EDA: variants seen among roughly 807,000 people sequenced by gnomAD.
The protein encoded by EDA is ectodysplasin-A.
EDA carries 2 observed loss-of-function variants against 23.6 expected under a neutral mutation model. That is an observed-to-expected ratio of 0.08 (90% CI 0.03 to 0.27). The LOEUF is 0.27. EDA is among the 10% of genes least tolerant of loss of function. The pLI is 1.00. For synonymous variants in EDA, 131 were observed against 132.0 expected, an observed-to-expected ratio of 0.99 and a Z score of 0.05; for missense variants, 229 against 324.2, an observed-to-expected ratio of 0.71 and a Z score of 2.26.
At chrX:69,705,929 A>G (rs2011701727) in intron 1 of EDA, among the ~76,000 whole-genome samples, 1 of 112,135 alleles carries the variant, frequency 8.9e-6, no homozygotes, top group South Asian at 3.7e-4. Flanking sequence ...AAGAAGGTAT[A>G]GGTAAAGGCC....
intron 1 of EDA, among the ~76,000 whole-genome samples, chrX:69,783,675 T>A (rs1240659896): frequency 3.6e-5 from 4 of 111,694 alleles, no homozygotes; most frequent in Non-Finnish European, 7.5e-5. Flanking sequence ...ATTTTCTTAA[T>A]CCAGTCTATC....
chrX:69,691,096 G>A (rs1352994013), intron 1 of EDA, among the ~76,000 whole-genome samples: 1 of 111,682 alleles, frequency 9.0e-6, no homozygotes, highest in South Asian at 3.7e-4. Flanking sequence ...GAAAAGAGAA[G>A]TAGCAAATTA....
intron 1 of EDA, among the ~76,000 whole-genome samples, chrX:69,891,483 T>C (rs191828059): frequency 1.8e-5 from 2 of 111,985 alleles, no homozygotes; most frequent in Non-Finnish European, 3.8e-5. Context: ...TGTAGCACTA[T>C]TCACAATAGC....
chrX:70,023,251 T>G lies in EDA; in HGVS notation c.526+10T>G, dbSNP rs957016563. The G allele has an allele frequency of 3.1e-5, 34 of 1,112,765 alleles. No homozygotes were observed. The highest frequency in any genetic ancestry group is 4.2e-5 in the Non-Finnish European group (34 of 813,038). 91.7% of individuals were successfully genotyped at this position (1,112,765 alleles called of 1,213,427 possible). A position where few individuals can be genotyped will look rare whatever the true frequency, so the allele number is the denominator to read the frequency against. On this transcript the variant is annotated intron_variant, in intron 3 of 7. Coordinates refer to ENST00000374552, the MANE Select transcript of EDA (RefSeq NM_001399.5). ...AAAAACAAGAAAAAGGGTAAGTTCC[T>G]GACTTTATAAAATTGCTGTCTTGTC...
chrX:69,857,176 G>A (rs1474526162), intron 1 of EDA, among the ~76,000 whole-genome samples: 2 of 111,484 alleles, frequency 1.8e-5, no homozygotes, highest in Non-Finnish European at 3.8e-5. Context: ...AAGATCAGTT[G>A]GCTGTAAGTA....
intron 1 of EDA, among the ~76,000 whole-genome samples, chrX:69,728,855 A>G (rs2012910252): frequency 8.9e-6 from 1 of 111,740 alleles, no homozygotes; most frequent in African/African-American, 3.3e-5. Flanking sequence ...GGTTTCCCCC[A>G]TAAATAATGA....
intron 1 of EDA, among the ~76,000 whole-genome samples, chrX:69,850,055 C>A (rs1480791459): frequency 1.8e-5 from 2 of 112,416 alleles, no homozygotes; most frequent in South Asian, 7.4e-4. Flanking sequence ...AAGGCCATAT[C>A]TATACCTGAC....
At chrX:69,626,818 C>T (rs187280629) in intron 1 of EDA, among the ~76,000 whole-genome samples, 10 of 111,767 alleles carry the variant, frequency 8.9e-5, no homozygotes, top group African/African-American at 3.2e-4. Context: ...TTGAATTGTA[C>T]ACTTAAAATG....
At chrX:69,882,474 G>T (rs933552334) in intron 1 of EDA, among the ~76,000 whole-genome samples, 1 of 111,667 alleles carries the variant, frequency 9.0e-6, no homozygotes, top group Non-Finnish European at 1.9e-5. Context: ...AGTAAACAGG[G>T]TCTAAGAAGG....
chrX:69,820,563 A>G (rs1255063452), intron 1 of EDA, among the ~76,000 whole-genome samples: 1 of 111,771 alleles, frequency 8.9e-6, no homozygotes, highest in Non-Finnish European at 1.9e-5. Flanking sequence ...AAACAACCCC[A>G]TTAAAAGGTG....
intron 2 of EDA, among the ~76,000 whole-genome samples, chrX:69,991,719 C>A (rs769009230): frequency 2.0e-4 from 22 of 111,548 alleles, no homozygotes; most frequent in Non-Finnish European, 1.3e-4. Flanking sequence ...ATCTCCTAGC[C>A]GGAGATCATT....
At chrX:69,959,583 A>AT (rs1051934154) in intron 2 of EDA, among the ~76,000 whole-genome samples, 14 of 111,729 alleles carry the variant, frequency 1.3e-4, no homozygotes, top group Non-Finnish European at 1.5e-4. Flanking sequence ...TTCAATAAGG[A>AT]TTTTTTTTAA....
intron 1 of EDA, among the ~76,000 whole-genome samples, chrX:69,878,263 G>T (rs1275441914): frequency 8.9e-6 from 1 of 112,314 alleles, no homozygotes; most frequent in African/African-American, 3.2e-5. Context: ...AGAAGGCGGG[G>T]TCACCCCCGC....
At chrX:69,948,384 C>T (rs1351896362) in intron 1 of EDA, among the ~76,000 whole-genome samples, 1 of 111,917 alleles carries the variant, frequency 8.9e-6, no homozygotes, top group Non-Finnish European at 1.9e-5. Flanking sequence ...CCACATTTAG[C>T]GTTACTCCGT....
At chrX:69,954,829 C>T (rs775954368) in intron 1 of EDA, among the ~76,000 whole-genome samples, 1 of 111,754 alleles carries the variant, frequency 8.9e-6, no homozygotes, top group South Asian at 3.8e-4. Flanking sequence ...TCCCACCTTC[C>T]ACCCTCCAAT....
intron 1 of EDA, among the ~76,000 whole-genome samples, chrX:69,953,374 G>A (rs1004967978): frequency 8.9e-5 from 10 of 112,117 alleles, no homozygotes; most frequent in Non-Finnish European, 1.9e-4. Flanking sequence ...CAGAATGGTG[G>A]ATTGATTAAA....
chrX:69,796,548 A>G (rs1313391086), intron 1 of EDA, among the ~76,000 whole-genome samples: 1 of 112,120 alleles, frequency 8.9e-6, no homozygotes, highest in Non-Finnish European at 1.9e-5. Flanking sequence ...TGCTCAACCA[A>G]TACCACAGAT....
chrX:69,634,490 A>T (rs904541711), intron 1 of EDA, among the ~76,000 whole-genome samples: 2 of 108,624 alleles, frequency 1.8e-5, no homozygotes, highest in African/African-American at 6.7e-5. Context: ...TTTTTTTATT[A>T]TTTTTTTTAA....
At chrX:69,653,637 A>G (rs1175219534) in intron 1 of EDA, among the ~76,000 whole-genome samples, 1 of 110,897 alleles carries the variant, frequency 9.0e-6, no homozygotes, top group Admixed American at 9.7e-5. Context: ...GCCCTCAGAA[A>G]TAATGCCGCA....
Sources: allele counts gnomAD v4.1 joint callset (sites outside exome capture counted in the v4.1 genomes callset), GRCh38; gene constraint gnomAD v4.1.1; transcripts MANE v1.5; gene names NCBI Gene and HGNC (gene_info 2026-07-23, HGNC 2026-07-21).